TAF11: variants seen among roughly 807,000 people sequenced by gnomAD.
TAF11 encodes TATA-box binding protein associated factor 11.
In TAF11, 10 loss-of-function variants were observed where a neutral mutation model predicts 23.0. The observed-to-expected ratio is 0.43, with a 90% confidence interval of 0.27 to 0.74. The LOEUF (loss-of-function observed/expected upper bound fraction) is 0.74. Ranked by LOEUF, TAF11 falls within the 30% of genes least tolerant of loss-of-function variation. The probability of loss-of-function intolerance (pLI) is 0.19; values close to 1 mark genes in which losing one functional copy is unlikely to be tolerated. For synonymous variants in TAF11, 85 were observed against 95.8 expected (o/e 0.89, Z 0.66); for missense variants, 196 against 261.7 (o/e 0.75, Z 1.73).
At chr6:34,881,621 A>T (rs906597422) in intron 2 of TAF11, among the ~76,000 whole-genome samples, 1 of 152,186 alleles carries the variant, frequency 6.6e-6, no homozygotes, top group Non-Finnish European at 1.5e-5. Flanking sequence ...AAATTTATAG[A>T]TATATATGTA....
intron 2 of TAF11, among the ~76,000 whole-genome samples, chr6:34,882,473 GTC>G (rs1766456573): frequency 6.6e-6 from 1 of 151,378 alleles, no homozygotes. Flanking sequence ...GTGAAACCCT[GTC>G]TCTACTAAAA....
Position 34,878,436 on chromosome 6 carries a change from G to T in TAF11, c.*154C>A. ...TATCAATCAGGCTACATACTTTCTA[G>T]GTGTGACAAATATCAGAGTTTTGAG... On this transcript the variant is annotated 3_prime_UTR_variant, in exon 5 of 5. Transcript: ENST00000361288. The T allele has an allele frequency of 1.6e-6, 1 of 642,856 alleles. No individual in the cohort carries two copies. Among genetic ancestry groups the T allele is most frequent in the South Asian group, 1.9e-5 (1 of 53,698 alleles). The allele number at this position is 642,856 out of a possible 1,614,324, so 39.8% of individuals were successfully genotyped here. A position where few individuals can be genotyped will look rare whatever the true frequency, so the allele number is the denominator to read the frequency against.
chr6:34,886,055 G>A (rs551232995), intron 1 of TAF11, among the ~76,000 whole-genome samples: 2 of 152,236 alleles, frequency 1.3e-5, no homozygotes, highest in African/African-American at 4.8e-5. Flanking sequence ...TTGAGCCTGA[G>A]AGGCGGAGGT....
chr6:34,881,108 C>A (rs1766416270), intron 2 of TAF11, among the ~76,000 whole-genome samples: 1 of 152,048 alleles, frequency 6.6e-6, no homozygotes, highest in Admixed American at 6.6e-5. Flanking sequence ...GCAATTACAC[C>A]TCTAGGAGTT....
At chr6:34,883,380 C>CT (rs796346933) in intron 1 of TAF11, among the ~76,000 whole-genome samples, 2 of 107,866 alleles carry the variant, frequency 1.9e-5, no homozygotes, top group African/African-American at 1.9e-4. Flanking sequence ...TCACCCTCCC[C>CT]CGGGCCCACT....
At chr6:34,882,893 G>A (rs1054703637) in intron 2 of TAF11, 39 bp downstream of exon 2, 1 of 1,562,206 alleles carries the variant, frequency 6.4e-7, no homozygotes, top group Non-Finnish European at 8.6e-7. Flanking sequence ...GTGGTCAAGT[G>A]AGAGCCTCGA....
At chr6:34,884,396 C>G (rs1378094775) in intron 1 of TAF11, among the ~76,000 whole-genome samples, 1 of 150,880 alleles carries the variant, frequency 6.6e-6, no homozygotes, top group Non-Finnish European at 1.5e-5. Flanking sequence ...GGGGAACACA[C>G]ACTGGGGTAT....
At chr6:34,886,399 C>A (rs1766525219) in intron 1 of TAF11, among the ~76,000 whole-genome samples, 1 of 91,296 alleles carries the variant, frequency 1.1e-5, no homozygotes, top group African/African-American at 1.1e-4. Flanking sequence ...AAACAAAAAA[C>A]AAAAAACAAA....
In TAF11 at chr6:34,878,237, ATC is replaced by A. The variant is rs1165699957; in HGVS notation, c.*351_*352del. 1.4e-5 allele frequency: 3 copies of A among 216,868 alleles called. No homozygotes were observed. The highest frequency in any genetic ancestry group is 2.3e-5 in the African/African-American group (1 of 43,822). 13.4% of individuals were successfully genotyped at this position (216,868 alleles called of 1,614,324 possible). ...AGCCTAGGTGATAGAGCAAGACCCT[ATC>A]TCAAACAAAACGAAACCAAAACAAA... is the stretch of plus-strand genomic sequence containing the variant. On this transcript the variant is annotated 3_prime_UTR_variant, in exon 5 of 5. Transcript: ENST00000361288.
chr6:34,880,579 C>T lies in TAF11; in HGVS notation c.321-203G>A, dbSNP rs942585645. On this transcript the variant is annotated intron_variant, in intron 2 of 4. Coordinates refer to ENST00000361288, the MANE Select transcript of TAF11 (RefSeq NM_005643.4). This position sits in a 1 kb window ranked among gnomAD's most constrained non-coding sequence, Gnocchi z 4.8. ...CGTAAAACAAAAACTTCTTTTCTTA[C>T]CTGTTAACAAAAAGAACAACACTGG... Among the ~76,000 whole-genome samples, 1 of 152,184 alleles carries T rather than the reference C, an allele frequency of 6.6e-6. No individual in the cohort carries two copies. The highest frequency in any genetic ancestry group is 2.4e-5 in the African/African-American group (1 of 41,452).
At chr6:34,883,240 T>C in intron 1 of TAF11, 160 bp from the exon 2 acceptor site, 1 of 643,628 alleles carries the variant, frequency 1.6e-6, no homozygotes, top group Non-Finnish European at 2.5e-6. Context: ...ATACAGTATC[T>C]CTCCTAAGGG....
At chr6:34,885,282 G>A (rs1766508484) in intron 1 of TAF11, among the ~76,000 whole-genome samples, 1 of 151,872 alleles carries the variant, frequency 6.6e-6, no homozygotes, top group South Asian at 2.1e-4. Flanking sequence ...TCTTCTGGCT[G>A]TTAATAAAAA....
At chr6:34,885,368 T>G (rs1766509582) in intron 1 of TAF11, among the ~76,000 whole-genome samples, 1 of 152,226 alleles carries the variant, frequency 6.6e-6, no homozygotes, top group Non-Finnish European at 1.5e-5. Flanking sequence ...GTTCTATTAA[T>G]TTCTTTAGTC....
chr6:34,882,059 G>C (rs1766441167), intron 2 of TAF11, among the ~76,000 whole-genome samples: 1 of 150,226 alleles, frequency 6.7e-6, no homozygotes, highest in Non-Finnish European at 1.5e-5. Flanking sequence ...ATTGTTTTTG[G>C]CCAGGCACAG....
intron 4 of TAF11, 128 bp downstream of exon 4, chr6:34,879,839 C>G: frequency 6.9e-7 from 1 of 1,455,610 alleles, no homozygotes; most frequent in Non-Finnish European, 9.1e-7. Context: ...TAAAGGGCTC[C>G]CCACTTGGTC....
chr6:34,885,778 C>T (rs1357966631), intron 1 of TAF11, among the ~76,000 whole-genome samples: 1 of 151,756 alleles, frequency 6.6e-6, no homozygotes. Flanking sequence ...AGTTGGAGAC[C>T]AGACTGGGCA....
At chr6:34,887,175 G>A (rs1420224595) in intron 1 of TAF11, among the ~76,000 whole-genome samples, 2 of 152,098 alleles carry the variant, frequency 1.3e-5, no homozygotes, top group Non-Finnish European at 2.9e-5. Context: ...GGTGGTGTGC[G>A]CCTGTAATCC....
Position 34,878,569 on chromosome 6 carries a change from T to A in TAF11, c.*21A>T. ...ACCAATACTTCTTCCGTCAGTAACA[T>A]AGGCCTTTCTAGACTTTGGTCTAGA... is the stretch of plus-strand genomic sequence containing the variant. On this transcript the variant is annotated 3_prime_UTR_variant, in exon 5 of 5. Coordinates refer to ENST00000361288, the MANE Select transcript of TAF11 (RefSeq NM_005643.4). 7.6e-7 allele frequency: 1 copy of A among 1,308,722 alleles called. No homozygotes were observed. Among genetic ancestry groups the A allele is most frequent in the Non-Finnish European group, 1.1e-6 (1 of 901,844 alleles). 81.1% of individuals were successfully genotyped at this position (1,308,722 alleles called of 1,614,324 possible).
chr6:34,879,622 T>TCAC lies in TAF11; in HGVS notation c.505+342_505+344dup, dbSNP rs1052685696. On this transcript the variant is annotated intron_variant, in intron 4 of 4. Transcript: ENST00000361288. ...TAGGGATCACAACATTAGGGACAACTCACCATCCCACACAGGTCACCCCTG... is the reference window on the plus strand; with the variant it reads ...TAGGGATCACAACATTAGGGACAACTCACCACCATCCCACACAGGTCACCCCTG... 2.0e-5 allele frequency: 20 copies of TCAC among 985,272 alleles called. No homozygotes were observed. The Admixed American group carries it at 9.2e-4, about 45-fold the overall frequency. The allele number at this position is 985,272 out of a possible 1,614,324, so 61.0% of individuals were successfully genotyped here.
Sources: gnomAD v4.1 joint callset for allele counts (sites outside exome capture counted in the v4.1 genomes callset) on GRCh38, gnomAD v4.1.1 for gene constraint, Gnocchi (gnomAD v3.1) non-coding constraint, MANE v1.5 for transcripts, NCBI Gene and HGNC (gene_info 2026-07-23, HGNC 2026-07-21) for gene names.